The following PDE4D variants were observed in gnomAD, a reference collection of about 807,000 sequenced individuals.
PDE4D encodes phosphodiesterase 4D.
In PDE4D, 24 loss-of-function variants were observed where a neutral mutation model predicts 87.4. The observed-to-expected ratio is 0.27, with a 90% confidence interval of 0.20 to 0.39. PDE4D has a LOEUF of 0.39. Ranked by LOEUF, PDE4D falls within the 10% of genes least tolerant of loss-of-function variation. The probability of loss-of-function intolerance (pLI) is 1.00; values close to 1 mark genes in which losing one functional copy is unlikely to be tolerated. For missense variants in PDE4D, 714 were observed against 1,041.0 expected, an observed-to-expected ratio of 0.69 and a Z score of 4.32; for synonymous variants, 384 against 383.2, an observed-to-expected ratio of 1.00 and a Z score of -0.02.
At chr5:59,908,861 T>TTAGTTTTGGAATTA (rs1420513322) in intron 3 of PDE4D, among the ~76,000 whole-genome samples, 3 of 152,320 alleles carry the variant, frequency 2.0e-5, no homozygotes, top group African/African-American at 7.2e-5. Flanking sequence ...ATTATTAGAA[T>TTAGTTTTGGAATTA]ACACTTGGAA....
intron 2 of PDE4D, among the ~76,000 whole-genome samples, chr5:60,011,521 A>T (rs1765019586): frequency 6.6e-6 from 1 of 152,160 alleles, no homozygotes; most frequent in South Asian, 2.1e-4. Context: ...ACTTCTATAC[A>T]TTTCTTAATT....
chr5:59,366,257 G>A (rs1315385956), intron 1 of PDE4D, among the ~76,000 whole-genome samples: 2 of 151,898 alleles, frequency 1.3e-5, no homozygotes, highest in Non-Finnish European at 2.9e-5. Context: ...AAGTCTCTAT[G>A]TTTTCTTCTG....
intron 1 of PDE4D, among the ~76,000 whole-genome samples, chr5:59,708,261 G>C (rs1288046089): frequency 1.3e-5 from 2 of 152,002 alleles, no homozygotes; most frequent in Non-Finnish European, 2.9e-5. Flanking sequence ...GTCTTCTTTT[G>C]AGAAGTGTCT....
At chr5:59,604,108 T>G (rs1561305573) in intron 1 of PDE4D, among the ~76,000 whole-genome samples, 1 of 10,756 alleles carries the variant, frequency 9.3e-5, no homozygotes, top group African/African-American at 2.1e-4. Flanking sequence ...AATACAGTCT[T>G]GTAAAAACAG....
At chr5:59,458,077 T>C (rs577621975) in intron 1 of PDE4D, among the ~76,000 whole-genome samples, 1 of 152,340 alleles carries the variant, frequency 6.6e-6, no homozygotes, top group Admixed American at 6.5e-5. Flanking sequence ...TTTTGCCTTC[T>C]AATACACTAT....
chr5:60,091,179 CACA>C (rs1474142868), intron 2 of PDE4D, among the ~76,000 whole-genome samples: 1 of 152,124 alleles, frequency 6.6e-6, no homozygotes, highest in East Asian at 1.9e-4. Context: ...AAAGCTTCAG[CACA>C]ACAATGTAAA....
intron 1 of PDE4D, among the ~76,000 whole-genome samples, chr5:60,354,389 A>T (rs1412238979): frequency 4.6e-5 from 7 of 152,226 alleles, no homozygotes; most frequent in Non-Finnish European, 1.0e-4. Context: ...GATGTGTTAA[A>T]GTTAAGTTTG....
chr5:59,350,143 A>C (rs1251485477), intron 1 of PDE4D, among the ~76,000 whole-genome samples: 1 of 152,202 alleles, frequency 6.6e-6, no homozygotes, highest in Admixed American at 6.5e-5. Flanking sequence ...ATGTCTGAAC[A>C]TAATTTTACT....
At chr5:59,938,011 A>G (rs1756787884) in intron 3 of PDE4D, among the ~76,000 whole-genome samples, 1 of 152,172 alleles carries the variant, frequency 6.6e-6, no homozygotes, top group African/African-American at 2.4e-5. Flanking sequence ...ATTCCAATCT[A>G]ATTTCCTCCC....
At chr5:60,121,819 C>T (rs184721430) in intron 2 of PDE4D, among the ~76,000 whole-genome samples, 50 of 152,258 alleles carry the variant, frequency 3.3e-4, no homozygotes, top group African/African-American at 1.1e-3. Context: ...AGCATTAACC[C>T]AAAAGTCAAC....
intron 1 of PDE4D, among the ~76,000 whole-genome samples, chr5:59,655,509 T>C (rs1003106045): frequency 3.9e-5 from 6 of 152,214 alleles, no homozygotes; most frequent in Non-Finnish European, 7.3e-5. Flanking sequence ...CTTGTAATTG[T>C]TTACAACTTA....
intron 2 of PDE4D, among the ~76,000 whole-genome samples, chr5:60,149,722 C>A (rs1582874069): frequency 6.6e-6 from 1 of 151,468 alleles, no homozygotes; most frequent in African/African-American, 2.4e-5. Context: ...TTATGATACT[C>A]TAGGACTATG....
chr5:59,034,094 T>C (rs1758068515), intron 6 of PDE4D, among the ~76,000 whole-genome samples: 1 of 152,150 alleles, frequency 6.6e-6, no homozygotes, highest in African/African-American at 2.4e-5. Flanking sequence ...GCAAAGAAAG[T>C]ATTTTTTCTA....
chr5:60,255,123 G>A (rs1338892903), intron 1 of PDE4D, among the ~76,000 whole-genome samples: 1 of 151,848 alleles, frequency 6.6e-6, no homozygotes, highest in Non-Finnish European at 1.5e-5. Context: ...ATCAAGGGAT[G>A]AAAATGACTA....
chr5:60,474,057 G>GGT (rs1748075654), intron 1 of PDE4D, among the ~76,000 whole-genome samples: 1 of 129,616 alleles, frequency 7.7e-6, no homozygotes, highest in Non-Finnish European at 1.6e-5. Context: ...TCCCAAGGCA[G>GGT]GTGTTGACCT....
intron 1 of PDE4D, among the ~76,000 whole-genome samples, chr5:60,467,196 C>G (rs1747425403): frequency 1.3e-5 from 2 of 151,988 alleles, no homozygotes; most frequent in Non-Finnish European, 2.9e-5. Context: ...CACACCACCA[C>G]ACCCAGCTAA....
intron 2 of PDE4D, among the ~76,000 whole-genome samples, chr5:60,015,457 G>A (rs546954588): frequency 7.3e-4 from 111 of 152,256 alleles, no homozygotes; most frequent in Non-Finnish European, 1.4e-3. Flanking sequence ...GCTCAGGTCT[G>A]ACAGACCCAC....
chr5:60,197,070 T>C (rs2910826), intron 1 of PDE4D, among the ~76,000 whole-genome samples: 19,599 of 122,918 alleles, frequency 0.16, 2,086 homozygotes, highest in African/African-American at 0.24. Flanking sequence ...GATAGATAGA[T>C]AGACAGTTAG....
At chr5:60,272,247 G>A (rs1042194571) in intron 1 of PDE4D, among the ~76,000 whole-genome samples, 2 of 152,218 alleles carry the variant, frequency 1.3e-5, no homozygotes, top group Non-Finnish European at 2.9e-5. Context: ...GTAAAACTAA[G>A]ATGACCTTGA....
Sources: gnomAD v4.1 joint callset for allele counts (sites outside exome capture counted in the v4.1 genomes callset) on GRCh38, gnomAD v4.1.1 for gene constraint, MANE v1.5 for transcripts, NCBI Gene and HGNC (gene_info 2026-07-23, HGNC 2026-07-21) for gene names.